The following SQSTM1 variants were observed in gnomAD, a reference collection of about 807,000 sequenced individuals.
SQSTM1 encodes sequestosome 1, also known as sequestosome-1.
Under a neutral mutation model 45.1 loss-of-function variants are expected in SQSTM1, and 36 were observed. The observed-to-expected ratio is 0.80, with a 90% CI of 0.61 to 1.05. The LOEUF (loss-of-function observed/expected upper bound fraction) is 1.05, where lower values mean the gene tolerates loss of function less well. Ranked by LOEUF, SQSTM1 falls within the 50% of genes least tolerant of loss-of-function variation. SQSTM1 has a pLI of 0.00. For synonymous variants in SQSTM1, 290 were observed against 244.3 expected, an observed-to-expected ratio of 1.19 and a Z score of -1.74; for missense variants, 617 against 607.1, an observed-to-expected ratio of 1.02 and a Z score of -0.17.
In SQSTM1 at chr5:179,837,694, G is replaced by A. The variant is rs61742526; in HGVS notation, c.*1101G>A. 0.014 allele frequency: 22,244 copies of A among 1,614,228 alleles called. 259 individuals are homozygous for A. The highest frequency in any genetic ancestry group is 0.016 in the Middle Eastern group (94 of 6,062). On this transcript the variant is annotated 3_prime_UTR_variant, in exon 8 of 8. Coordinates refer to ENST00000389805, the MANE Select transcript of SQSTM1 (RefSeq NM_003900.5). ...TCTGAAGAGACCTTGGCTGCTCACT[G>A]TCCACATGTGAACTTTTTCTAGGTG...
In SQSTM1 at chr5:179,833,048, C is replaced by T. The variant is rs372827450; in HGVS notation, c.771C>T (p.Ile257=). The stretch of plus-strand genomic sequence containing the variant: ...CGCCTCTAGGCATTGAAGTTGATAT[C>T]GATGTGGAGCACGGAGGGAAAAGAA... ...ALSPLGIEVD[I]DVEHGGKRSR... Residue 257 remains isoleucine (I), a synonymous_variant, in exon 6 of 8, where the codon ATC becomes ATT. Coordinates refer to ENST00000389805, the MANE Select transcript of SQSTM1 (RefSeq NM_003900.5). 2.0e-5 allele frequency: 32 copies of T among 1,614,160 alleles called. No individual in the cohort carries two copies. The highest frequency in any genetic ancestry group is 1.9e-4 in the African/African-American group (14 of 75,044).
chr5:179,821,378 C>T (rs1029430192), intron 1 of SQSTM1, among the ~76,000 whole-genome samples: 9 of 152,102 alleles, frequency 5.9e-5, no homozygotes, highest in Admixed American at 1.3e-4. Context: ...CCCCCTGGGG[C>T]GGTGGAGCCC....
upstream of SQSTM1, among the ~76,000 whole-genome samples, chr5:179,814,706 C>T (rs563931755): frequency 1.2e-4 from 18 of 152,310 alleles, no homozygotes; most frequent in East Asian, 3.5e-3. Flanking sequence ...GGCTCAGGTC[C>T]TTGGCCAGAA....
intron 1 of SQSTM1, chr5:179,821,633 G>A (rs1036215813): frequency 4.7e-6 from 2 of 421,438 alleles, no homozygotes; most frequent in Admixed American, 2.6e-5. Flanking sequence ...AAGCGCGGGG[G>A]TGCGGGGGAC....
At chr5:179,831,177 G>A (rs1381055150) in intron 5 of SQSTM1, among the ~76,000 whole-genome samples, 2 of 152,218 alleles carry the variant, frequency 1.3e-5, no homozygotes, top group Non-Finnish European at 1.5e-5. Flanking sequence ...GAGGGTGAAC[G>A]TAAAGGGGGT....
At chr5:179,831,913 A>T (rs1758239655) in intron 5 of SQSTM1, among the ~76,000 whole-genome samples, 1 of 151,788 alleles carries the variant, frequency 6.6e-6, no homozygotes, top group African/African-American at 2.4e-5. Flanking sequence ...CCTCCCGAGT[A>T]ACTGAGACTA....
chr5:179,833,286 G>A, intron 6 of SQSTM1, 40 bp downstream of exon 6: 1 of 1,530,472 alleles, frequency 6.5e-7, no homozygotes, highest in South Asian at 1.2e-5. Context: ...ACCACGGCCA[G>A]CCTAGTGATC....
upstream of SQSTM1, chr5:179,820,849 A>G: frequency 7.9e-7 from 1 of 1,259,186 alleles, no homozygotes; most frequent in East Asian, 3.2e-5. Context: ...GCCCCTCTCG[A>G]GGCGGGGCGG....
At chr5:179,821,774 A>T (rs502729) in intron 1 of SQSTM1, 2 of 317,984 alleles carry the variant, frequency 6.3e-6, no homozygotes, top group South Asian at 4.4e-5. Flanking sequence ...TGGTGTTGGC[A>T]CAGAAGCCCT....
At chr5:179,817,346 C>A (rs910203142), upstream of SQSTM1, among the ~76,000 whole-genome samples, 11 of 152,212 alleles carry the variant, frequency 7.2e-5, no homozygotes, top group African/African-American at 2.2e-4. Context: ...ATCCCTCCCC[C>A]CTTTTCCCCA....
At chr5:179,807,170 G>T (rs929968499) in intron 1 of SQSTM1, among the ~76,000 whole-genome samples, 3 of 151,646 alleles carry the variant, frequency 2.0e-5, no homozygotes, top group African/African-American at 7.3e-5. Flanking sequence ...GGGGCGGGGG[G>T]CGGGCGGCGG....
intron 1 of SQSTM1, chr5:179,807,961 CTAATT>C (rs1286043654): frequency 1.3e-5 from 2 of 152,274 alleles, no homozygotes; most frequent in Non-Finnish European, 2.9e-5. Context: ...CATTTGCGTT[CTAATT>C]TCAGGCGTTC....
rs1445654039 is a variant in SQSTM1, at chr5:179,836,570, T to TCAAAG, written c.1303_1307dup (p.His436GlnfsTer29). 12 of 1,614,154 alleles carry TCAAAG rather than the reference T, an allele frequency of 7.4e-6. No individual in the cohort carries two copies. Among genetic ancestry groups the TCAAAG allele is most frequent in the Non-Finnish European group, 1.0e-5 (12 of 1,180,024 alleles). On this transcript the variant is annotated frameshift_variant, in exon 8 of 8. Coordinates refer to ENST00000389805, the MANE Select transcript of SQSTM1 (RefSeq NM_003900.5). LOFTEE classifies it high-confidence loss of function. ...AGCGGCTCTGGACACCATCCAGTAT[T>TCAAAG]CAAAGCATCCCCCGCCGTTGTGACC...
At position 179,806,420 on chromosome 5, in the gene SQSTM1, G is replaced by T; in HGVS notation, c.-328G>T. 9.7e-7 allele frequency: 1 copy of T among 1,031,646 alleles called. No individual in the cohort carries two copies. The allele number at this position is 1,031,646 out of a possible 1,614,324, so 63.9% of individuals were successfully genotyped here. A position where few individuals can be genotyped will look rare whatever the true frequency, so the allele number is the denominator to read the frequency against. Reference sequence around the variant, plus strand: ...CTTCCGGCCGCCTTCCGCGGCCACCGCCGGGCCCGCTCCCGCCGCCGACGC... The same window carrying T: ...CTTCCGGCCGCCTTCCGCGGCCACCTCCGGGCCCGCTCCCGCCGCCGACGC... On this transcript the variant is annotated 5_prime_UTR_variant, in exon 1 of 6. Transcript: ENST00000514093. This position sits in a 1 kb window ranked among gnomAD's most constrained non-coding sequence, Gnocchi z 4.6.
At chr5:179,833,890 C>A in intron 7 of SQSTM1, 108 bp downstream of exon 7, 2 of 1,265,666 alleles carry the variant, frequency 1.6e-6, no homozygotes, top group Non-Finnish European at 2.3e-6. Context: ...TTCTCCACTG[C>A]AGGGCTGTCT....
chr5:179,836,849 A>AGCGC lies in SQSTM1; in HGVS notation c.*259_*262dup. ...GCCTGCGAGACCCAAGGCTCACTGC[A>AGCGC]GCGCGCTCCTGACCCCTCCCTGCAG... On this transcript the variant is annotated 3_prime_UTR_variant, in exon 8 of 8. Coordinates refer to ENST00000389805, the MANE Select transcript of SQSTM1 (RefSeq NM_003900.5). 1 of 641,504 alleles carries AGCGC rather than the reference A, an allele frequency of 1.6e-6. No individual in the cohort carries two copies. The highest frequency in any genetic ancestry group is 2.7e-6 in the Non-Finnish European group (1 of 364,344). 39.7% of individuals were successfully genotyped at this position (641,504 alleles called of 1,614,324 possible).
Position 179,836,670 on chromosome 5 carries a change from C to T in SQSTM1, c.*77C>T. 1.2e-6 allele frequency: 2 copies of T among 1,602,708 alleles called. No homozygotes were observed. The highest frequency in any genetic ancestry group is 1.7e-6 in the Non-Finnish European group (2 of 1,169,948). On this transcript the variant is annotated 3_prime_UTR_variant, in exon 8 of 8. Coordinates refer to ENST00000389805, the MANE Select transcript of SQSTM1 (RefSeq NM_003900.5). ...TAAGCTTGCGTAGAATTGCAGGTCT[C>T]TGTACGGGCCAGTTTCTCTGCCTTC... is the stretch of plus-strand genomic sequence containing the variant.
upstream of SQSTM1, chr5:179,820,842 CCT>C: frequency 8.2e-7 from 1 of 1,226,610 alleles, no homozygotes; most frequent in South Asian, 1.8e-5. Context: ...AGACTCCGCC[CCT>C]CTCGAGGCGG....
At chr5:179,835,840 T>G (rs1027737516) in intron 7 of SQSTM1, 2 of 168,646 alleles carry the variant, frequency 1.2e-5, no homozygotes, top group African/African-American at 4.8e-5. Context: ...AAAGGTATTA[T>G]TTCGTTCCTT....
Sources: gnomAD v4.1 joint callset for allele counts (sites outside exome capture counted in the v4.1 genomes callset) on GRCh38, gnomAD v4.1.1 for gene constraint, Gnocchi (gnomAD v3.1) non-coding constraint, MANE v1.5 for transcripts, NCBI Gene and HGNC (gene_info 2026-07-23, HGNC 2026-07-21) for gene names.